Variants in LGSN observed in about 807,000 individuals in gnomAD.
The protein encoded by LGSN is lengsin.
Under a neutral mutation model 19.5 loss-of-function variants are expected in LGSN, and 21 were observed. That is an observed-to-expected ratio of 1.07 (90% CI 0.76 to 1.55). LGSN has a LOEUF of 1.55. Ranked by LOEUF, LGSN falls within the 40% of genes most tolerant of loss-of-function variation. The pLI, the probability that LGSN is intolerant of heterozygous loss-of-function variation, is 0.00. For synonymous variants in LGSN, 257 were observed against 215.6 expected, an observed-to-expected ratio of 1.19 and a Z score of -1.68; for missense variants, 673 against 608.5, an observed-to-expected ratio of 1.11 and a Z score of -1.12.
chr6:63,461,065 G>GT, the LGSN span, among the ~76,000 whole-genome samples: 1 of 152,106 alleles, frequency 6.6e-6, no homozygotes, highest in Non-Finnish European at 1.5e-5. Context: ...CTGCTGCTGG[G>GT]TTTTTTGGGT....
the LGSN span, among the ~76,000 whole-genome samples, chr6:63,411,076 C>T: frequency 6.6e-6 from 1 of 152,178 alleles, no homozygotes. Flanking sequence ...TACAGTTCAT[C>T]TCATCTCCAA....
the LGSN span, among the ~76,000 whole-genome samples, chr6:63,348,914 C>G: frequency 6.6e-5 from 10 of 151,844 alleles, no homozygotes; most frequent in Non-Finnish European, 1.3e-4. Flanking sequence ...TTTAAAACTA[C>G]GTAGTAAAGG....
At chr6:63,284,006 A>C (rs1767430387) in intron 3 of LGSN, among the ~76,000 whole-genome samples, 1 of 152,018 alleles carries the variant, frequency 6.6e-6, no homozygotes, top group Non-Finnish European at 1.5e-5. Flanking sequence ...GGCCTCTTAA[A>C]CCTATTTTTA....
In LGSN at chr6:63,280,375, T is replaced by C. The variant is rs748450415; in HGVS notation, c.1176A>G (p.Ile392Met). Residue 392 changes from isoleucine (I) to methionine (M), a missense_variant, in exon 4 of 4, where the codon ATA becomes ATG. Physicochemically the swap from Ile to Met is conservative, Grantham distance 10. Transcript: ENST00000370657. ...TCTCTCCATGACATTTGATATTAAA[T>C]ATACAGCTGTTGTCATTGTATCCCC... ...TTWGYNDNSC[I>M]FNIKCHGEKG... The C allele has an allele frequency of 2.5e-6, 4 of 1,614,062 alleles. No homozygotes were observed. The highest frequency in any genetic ancestry group is 1.7e-5 in the Admixed American group (1 of 60,006).
the LGSN span, among the ~76,000 whole-genome samples, chr6:63,519,483 G>T: frequency 2.6e-5 from 4 of 152,114 alleles, no homozygotes; most frequent in African/African-American, 9.7e-5. Flanking sequence ...TGTCTTACCA[G>T]GTGAGGGAAA....
chr6:63,301,667 T>G (rs369429163), intron 1 of LGSN, among the ~76,000 whole-genome samples: 1 of 152,156 alleles, frequency 6.6e-6, no homozygotes, highest in African/African-American at 2.4e-5. Flanking sequence ...GGGAAAAAAG[T>G]AAAATTCTGT....
At chr6:63,546,882 T>C in the LGSN span, among the ~76,000 whole-genome samples, 1 of 152,254 alleles carries the variant, frequency 6.6e-6, no homozygotes, top group African/African-American at 2.4e-5. Flanking sequence ...ATATGTTAAA[T>C]AGCTTTATGT....
the LGSN span, chr6:63,549,319 G>A: frequency 1.3e-6 from 1 of 753,316 alleles, no homozygotes; most frequent in Non-Finnish European, 2.4e-6. Context: ...CTCTGCCGCT[G>A]CAACCTGATA....
the LGSN span, among the ~76,000 whole-genome samples, chr6:63,341,276 G>C: frequency 1.3e-5 from 2 of 152,118 alleles, no homozygotes; most frequent in Non-Finnish European, 2.9e-5. Context: ...CGATCCTCAG[G>C]CTCCCACACA....
intron 2 of LGSN, among the ~76,000 whole-genome samples, chr6:63,288,599 A>C (rs940430897): frequency 1.3e-5 from 2 of 152,212 alleles, no homozygotes; most frequent in African/African-American, 2.4e-5. Flanking sequence ...TACGTGTATT[A>C]GTTTGCTAAA....
At chr6:63,416,214 T>C in the LGSN span, among the ~76,000 whole-genome samples, 1 of 151,960 alleles carries the variant, frequency 6.6e-6, no homozygotes, top group African/African-American at 2.4e-5. Context: ...GATTCATTGC[T>C]ACTGTCTCAA....
At chr6:63,533,174 G>A in the LGSN span, among the ~76,000 whole-genome samples, 1 of 152,192 alleles carries the variant, frequency 6.6e-6, no homozygotes. Context: ...TTGAGGTCAC[G>A]AGTTCAATAC....
the LGSN span, among the ~76,000 whole-genome samples, chr6:63,496,506 A>G: frequency 6.6e-6 from 1 of 152,218 alleles, no homozygotes; most frequent in African/African-American, 2.4e-5. Flanking sequence ...CTTAAGTGAG[A>G]TAGCAAAGGC....
chr6:63,366,359 A>G, the LGSN span, among the ~76,000 whole-genome samples: 1 of 152,226 alleles, frequency 6.6e-6, no homozygotes, highest in East Asian at 1.9e-4. Context: ...AGAGAATAAA[A>G]TACCTAGGAA....
chr6:63,288,971 C>T (rs547528685), intron 2 of LGSN, among the ~76,000 whole-genome samples: 1 of 152,328 alleles, frequency 6.6e-6, no homozygotes, highest in African/African-American at 2.4e-5. Context: ...CACCATTCAA[C>T]ACATAACAGT....
At chr6:63,334,832 A>G in the LGSN span, among the ~76,000 whole-genome samples, 1 of 152,162 alleles carries the variant, frequency 6.6e-6, no homozygotes, top group Non-Finnish European at 1.5e-5. Context: ...CTGATCTTCA[A>G]CAAAGCCATC....
intron 1 of LGSN, among the ~76,000 whole-genome samples, chr6:63,305,843 T>C (rs948652028): frequency 6.6e-6 from 1 of 152,070 alleles, no homozygotes; most frequent in Non-Finnish European, 1.5e-5. Context: ...GGTGGATCAC[T>C]TGAGGCCAGG....
chr6:63,572,874 C>T, the LGSN span, among the ~76,000 whole-genome samples: 1 of 151,998 alleles, frequency 6.6e-6, no homozygotes, highest in African/African-American at 2.4e-5. Context: ...GGTTATGGCC[C>T]TGTGGCCGGC....
the LGSN span, among the ~76,000 whole-genome samples, chr6:63,521,420 A>G: frequency 6.6e-6 from 1 of 152,200 alleles, no homozygotes; most frequent in Non-Finnish European, 1.5e-5. Context: ...CTCAGGTAGG[A>G]TCAGAAAGAG....
Sources: allele counts gnomAD v4.1 joint callset (sites outside exome capture counted in the v4.1 genomes callset), GRCh38; gene constraint gnomAD v4.1.1; transcripts MANE v1.5; gene names NCBI Gene and HGNC (gene_info 2026-07-23, HGNC 2026-07-21).